PPP2R2B: variants seen among roughly 807,000 people sequenced by gnomAD.
PPP2R2B encodes protein phosphatase 2 regulatory subunit Bbeta.
A neutral mutation model predicts 46.0 loss-of-function variants in PPP2R2B; 5 were observed. The observed-to-expected ratio is 0.11, with a 90% confidence interval of 0.06 to 0.23. The LOEUF is 0.23. PPP2R2B is among the 10% of genes least tolerant of loss of function. PPP2R2B has a pLI of 1.00. For missense variants in PPP2R2B, 367 were observed against 575.0 expected (o/e 0.64, Z 3.70); for synonymous variants, 215 against 206.7 (o/e 1.04, Z -0.34).
At chr5:146,744,759 A>G (rs1753073933) in intron 2 of PPP2R2B, among the ~76,000 whole-genome samples, 1 of 152,204 alleles carries the variant, frequency 6.6e-6, no homozygotes, top group Admixed American at 6.5e-5. Context: ...GATCTTATTG[A>G]GAATAGCTTA....
intron 2 of PPP2R2B, among the ~76,000 whole-genome samples, chr5:147,062,996 G>GAGGGAGGGAGGA (rs1362035522): frequency 5.8e-4 from 38 of 64,982 alleles, no homozygotes; most frequent in Non-Finnish European, 7.7e-4. Flanking sequence ...GGGAGGGAGG[G>GAGGGAGGGAGGA]AGGGGGGAAG....
intron 1 of PPP2R2B, among the ~76,000 whole-genome samples, chr5:146,963,660 A>T (rs1029806179): frequency 6.6e-6 from 1 of 152,086 alleles, no homozygotes; most frequent in Non-Finnish European, 1.5e-5. Context: ...TAATGTTATT[A>T]TCCCAATTTT....
chr5:147,060,119 C>T (rs1005370117), upstream of PPP2R2B, among the ~76,000 whole-genome samples: 1 of 152,142 alleles, frequency 6.6e-6, no homozygotes, highest in Non-Finnish European at 1.5e-5. Flanking sequence ...AAGCAAATTC[C>T]TACTCATTCT....
intron 2 of PPP2R2B, among the ~76,000 whole-genome samples, chr5:146,877,020 A>G (rs1393335173): frequency 6.6e-6 from 1 of 152,240 alleles, no homozygotes; most frequent in Non-Finnish European, 1.5e-5. Flanking sequence ...ATTTCCACAT[A>G]CATTTTCTCG....
At chr5:147,039,478 C>T (rs978426135) in intron 1 of PPP2R2B, among the ~76,000 whole-genome samples, 1 of 152,096 alleles carries the variant, frequency 6.6e-6, no homozygotes, top group Non-Finnish European at 1.5e-5. Context: ...TGTGCAGGAT[C>T]ATGCATCTGC....
intron 2 of PPP2R2B, among the ~76,000 whole-genome samples, chr5:146,715,273 T>C (rs1780431365): frequency 6.6e-6 from 1 of 152,188 alleles, no homozygotes; most frequent in African/African-American, 2.4e-5. Flanking sequence ...AGCTGCACAT[T>C]CCTTTCCTGC....
intron 2 of PPP2R2B, among the ~76,000 whole-genome samples, chr5:146,872,308 T>A (rs1761661235): frequency 6.6e-6 from 1 of 152,220 alleles, no homozygotes; most frequent in Non-Finnish European, 1.5e-5. Flanking sequence ...TACAATAGTG[T>A]AAGGCAGCTA....
intron 2 of PPP2R2B, among the ~76,000 whole-genome samples, chr5:146,712,816 T>C (rs1418101059): frequency 6.6e-6 from 1 of 152,182 alleles, no homozygotes; most frequent in Admixed American, 6.5e-5. Context: ...AGTAGCTGTG[T>C]TCCCCTGCTA....
intron 1 of PPP2R2B, among the ~76,000 whole-genome samples, chr5:146,887,383 C>T (rs181506449): frequency 1.3e-5 from 2 of 152,124 alleles, no homozygotes; most frequent in East Asian, 3.9e-4. Context: ...TAAATTTTTA[C>T]CTACTAGAAA....
At chr5:146,910,334 C>A (rs1235987485) in intron 1 of PPP2R2B, among the ~76,000 whole-genome samples, 1 of 152,152 alleles carries the variant, frequency 6.6e-6, no homozygotes, top group East Asian at 1.9e-4. Context: ...CTACAATGCC[C>A]AGAATAGGTT....
chr5:146,718,283 G>C (rs1335597224), intron 2 of PPP2R2B, among the ~76,000 whole-genome samples: 1 of 152,022 alleles, frequency 6.6e-6, no homozygotes, highest in Non-Finnish European at 1.5e-5. Flanking sequence ...AGCTACTCAG[G>C]AGGCTGAGGT....
chr5:146,948,960 C>T (rs1200849029), intron 1 of PPP2R2B, among the ~76,000 whole-genome samples: 1 of 152,068 alleles, frequency 6.6e-6, no homozygotes, highest in African/African-American at 2.4e-5. Context: ...TCAGAAAGGG[C>T]ACCCATGGAG....
intron 2 of PPP2R2B, among the ~76,000 whole-genome samples, chr5:146,770,416 TA>T (rs1754779068): frequency 6.7e-6 from 1 of 150,320 alleles, no homozygotes; most frequent in Admixed American, 6.6e-5. Context: ...TTATTGCAAT[TA>T]AAAAGAATCC....
chr5:146,948,436 A>T (rs960726573), intron 1 of PPP2R2B, among the ~76,000 whole-genome samples: 1 of 152,136 alleles, frequency 6.6e-6, no homozygotes, highest in African/African-American at 2.4e-5. Context: ...TTCCTGGAAG[A>T]TGGTAAAATT....
At chr5:147,069,791 T>TG (rs1561611841) in intron 2 of PPP2R2B, among the ~76,000 whole-genome samples, 3 of 121,308 alleles carry the variant, frequency 2.5e-5, no homozygotes, top group Non-Finnish European at 5.1e-5. Context: ...TACTGTTTTT[T>TG]TTTTTTTTTT....
chr5:146,800,417 C>A (rs1238122356), intron 2 of PPP2R2B, among the ~76,000 whole-genome samples: 1 of 152,034 alleles, frequency 6.6e-6, no homozygotes, highest in Non-Finnish European at 1.5e-5. Flanking sequence ...TCCTCAAGAC[C>A]CTTCTTCTTG....
At chr5:147,000,868 G>A (rs188290918) in intron 1 of PPP2R2B, among the ~76,000 whole-genome samples, 10 of 152,150 alleles carry the variant, frequency 6.6e-5, no homozygotes, top group East Asian at 5.9e-4. Flanking sequence ...TTTCTTCAAC[G>A]CCTAAGGGGA....
intron 2 of PPP2R2B, among the ~76,000 whole-genome samples, chr5:146,833,968 A>G (rs1759118764): frequency 6.6e-6 from 1 of 152,240 alleles, no homozygotes; most frequent in Non-Finnish European, 1.5e-5. Context: ...TGCCACTTCC[A>G]TGCACATCCT....
At chr5:146,779,985 C>T (rs74990018) in intron 2 of PPP2R2B, among the ~76,000 whole-genome samples, 144 of 152,238 alleles carry the variant, frequency 9.5e-4, no homozygotes, top group African/African-American at 3.3e-3. Flanking sequence ...AATTAGGTAG[C>T]TTTTTCTGTA....
Sources: allele counts gnomAD v4.1 joint callset (sites outside exome capture counted in the v4.1 genomes callset), GRCh38; gene constraint gnomAD v4.1.1; transcripts MANE v1.5; gene names NCBI Gene and HGNC (gene_info 2026-07-23, HGNC 2026-07-21).